Variants in TUT7 observed in about 807,000 individuals in gnomAD.
TUT7 encodes terminal uridylyltransferase 7.
TUT7 carries 33 observed loss-of-function variants against 165.9 expected under a neutral mutation model. That is an observed-to-expected ratio of 0.20 (90% CI 0.15 to 0.27). TUT7 has a LOEUF of 0.27. Among genes scored for constraint, TUT7 ranks in the 10% least tolerant of loss-of-function variants. The pLI is 1.00. For missense variants in TUT7, 1,338 were observed against 1,762.3 expected, an observed-to-expected ratio of 0.76 and a Z score of 4.31; for synonymous variants, 552 against 608.1, an observed-to-expected ratio of 0.91 and a Z score of 1.36.
chr9:86,341,189 A>C (rs1831290087), intron 6 of TUT7, 136 bp from the exon 7 acceptor site: 1 of 730,200 alleles, frequency 1.4e-6, no homozygotes, highest in African/African-American at 1.8e-5. Flanking sequence ...GAAATTACTC[A>C]CTATGTTGTT....
intron 11 of TUT7, chr9:86,326,584 T>C (rs960301897): frequency 6.5e-6 from 1 of 154,510 alleles, no homozygotes; most frequent in Non-Finnish European, 1.5e-5. Context: ...CACGTAGGTA[T>C]AGCCTTTTTA....
rs1825743489 is a variant in TUT7, at chr9:86,289,375, G to A, written c.4421-631C>T. On this transcript the variant is annotated intron_variant, in intron 26 of 26. Transcript: ENST00000375963. ...TATATGTAACAAAGTAATACATAAT[G>A]AAGTTTGCATTTCAAACCAATGGGG... Among the ~76,000 whole-genome samples the A allele has an allele frequency of 2.0e-5, 3 of 152,152 alleles. No individual in the cohort carries two copies. In the South Asian group the frequency reaches 6.2e-4, roughly 31 times the overall value.
chr9:86,352,968 C>A lies in TUT7; in HGVS notation c.232G>T (p.Ala78Ser), dbSNP rs1260651519. The change falls in exon 2 of 27, where the codon GCA (alanine) becomes TCA (serine). Residue 78 changes from alanine to serine, a missense_variant. By Grantham distance (99) the Ala-to-Ser change is moderately conservative. Transcript: ENST00000375963. ...GPCAVSSNPY[A>S]FKNPIYSQPA... ...TGACTGTAGATTGGGTTTTTAAATG[C>A]ATATGGATTGCTGGAAACAGCACAT... 3 of 1,614,192 alleles carry A rather than the reference C, an allele frequency of 1.9e-6. No individual in the cohort carries two copies. The highest frequency in any genetic ancestry group is 2.5e-6 in the Non-Finnish European group (3 of 1,180,032).
intron 24 of TUT7, among the ~76,000 whole-genome samples, chr9:86,303,888 C>T (rs1215172438): frequency 6.6e-6 from 1 of 152,176 alleles, no homozygotes; most frequent in African/African-American, 2.4e-5. Context: ...CAATATCTAC[C>T]ATAAATCAGA....
intron 6 of TUT7, among the ~76,000 whole-genome samples, chr9:86,342,844 T>C (rs1308028101): frequency 6.6e-6 from 1 of 152,056 alleles, no homozygotes; most frequent in African/African-American, 2.4e-5. Context: ...CCCCATCAGG[T>C]GCACATGGTT....
chr9:86,318,669 T>G (rs1305522873), intron 16 of TUT7, among the ~76,000 whole-genome samples: 2 of 152,200 alleles, frequency 1.3e-5, no homozygotes, highest in Non-Finnish European at 2.9e-5. Flanking sequence ...CAAGTCAGCA[T>G]AGTAGCCAAG....
In TUT7 at chr9:86,323,077, G is replaced by C; in HGVS notation, c.2673C>G (p.Ala891=). The change falls in exon 13 of 27, where the codon GCC becomes GCG. Residue 891 remains alanine, a synonymous_variant. Transcript: ENST00000375963. The part of the protein sequence containing the change: ...NTYTGSGDED[A]LSEEDDELGE... ...CTAACTCATCATCCTCTTCAGATAGGGCGTCCTCATCCCCTGACCCAGTGT... is the reference window on the plus strand; with the variant it reads ...CTAACTCATCATCCTCTTCAGATAGCGCGTCCTCATCCCCTGACCCAGTGT... 6.2e-7 allele frequency: 1 copy of C among 1,614,008 alleles called. No individual in the cohort carries two copies. The highest frequency in any genetic ancestry group is 8.5e-7 in the Non-Finnish European group (1 of 1,179,992).
At chr9:86,354,224 C>T (rs981249652) in intron 1 of TUT7, 47 bp downstream of exon 1, 2 of 152,714 alleles carry the variant, frequency 1.3e-5, no homozygotes, top group Non-Finnish European at 2.9e-5. Flanking sequence ...GTTCCTCGGT[C>T]ACCCAAACTG....
chr9:86,335,927 TAG>T (rs1318276583), intron 10 of TUT7, among the ~76,000 whole-genome samples: 1 of 152,170 alleles, frequency 6.6e-6, no homozygotes, highest in African/African-American at 2.4e-5. Flanking sequence ...AGTATCACTT[TAG>T]AGAGTTTCCG....
At chr9:86,289,442 T>A (rs1279855026) in intron 26 of TUT7, among the ~76,000 whole-genome samples, 1 of 152,150 alleles carries the variant, frequency 6.6e-6, no homozygotes, top group African/African-American at 2.4e-5. Flanking sequence ...GTCAAATAAG[T>A]AATTTTGGAG....
chr9:86,294,669 A>G (rs1009307887), intron 26 of TUT7, among the ~76,000 whole-genome samples: 1 of 151,636 alleles, frequency 6.6e-6, no homozygotes, highest in Non-Finnish European at 1.5e-5. Context: ...ATGTATAGGG[A>G]AAAAATCTCA....
In TUT7 at chr9:86,322,903, T is replaced by C; in HGVS notation, c.2847A>G (p.Glu949=). The C allele has an allele frequency of 6.2e-7, 1 of 1,606,500 alleles. No individual in the cohort carries two copies. The highest frequency in any genetic ancestry group is 8.5e-7 in the Non-Finnish European group (1 of 1,177,356). The stretch of plus-strand genomic sequence containing the variant: ...CTTTGGTGAAGATAAGTTTACTGAA[T>C]TCATAAAAAAAATCAGACTGATCCA... ...SPVDQSDFFY[E]FSKLIFTKGK... is the part of the protein sequence containing the mutation. The change falls in exon 13 of 27, where the codon GAA becomes GAG. Residue 949 remains glutamate (E), a synonymous_variant. Transcript: ENST00000375963.
chr9:86,322,740 C>A, intron 13 of TUT7, 133 bp downstream of exon 13: 1 of 1,081,982 alleles, frequency 9.2e-7, no homozygotes, highest in South Asian at 1.7e-5. Context: ...ACCGAGCAGT[C>A]ATATCAGAAT....
intron 4 of TUT7, 131 bp downstream of exon 4, chr9:86,345,538 G>A: frequency 1.4e-6 from 1 of 692,104 alleles, no homozygotes; most frequent in Non-Finnish European, 2.5e-6. Flanking sequence ...ATGTATTTTG[G>A]CTCAAATATA....
Position 86,319,596 on chromosome 9 carries a change from G to T in TUT7, c.3103C>A (p.Gln1035Lys). 6.2e-7 allele frequency: 1 copy of T among 1,602,796 alleles called. No homozygotes were observed. Among genetic ancestry groups the T allele is most frequent in the Non-Finnish European group, 8.5e-7 (1 of 1,175,054 alleles). The change falls in exon 15 of 27, where the codon CAG (glutamine) becomes AAG (lysine). Residue 1035 changes from glutamine to lysine, a missense_variant. Coordinates refer to ENST00000375963, the MANE Select transcript of TUT7 (RefSeq NM_024617.4). ...IRQNLESFIR[Q>K]DFPGTKLSLF... ...ATAAATCATTTACCTGGAAAGTCCT[G>T]TCTTATGAAACTTTCTAGGTTTTGC... is the stretch of plus-strand genomic sequence containing the variant.
intron 19 of TUT7, 80 bp downstream of exon 19, chr9:86,309,848 A>G: frequency 2.9e-6 from 4 of 1,380,938 alleles, no homozygotes; most frequent in Non-Finnish European, 3.0e-6. Context: ...ACAGTTCATT[A>G]AAAAATAGAT....
chr9:86,309,037 T>G (rs568007482), intron 21 of TUT7, among the ~76,000 whole-genome samples, 175 bp downstream of exon 21: 1 of 152,316 alleles, frequency 6.6e-6, no homozygotes, highest in South Asian at 2.1e-4. Context: ...AGAAATTCAC[T>G]TGGCTTAGTA....
chr9:86,332,602 G>C (rs182108583), intron 10 of TUT7, among the ~76,000 whole-genome samples: 1 of 152,142 alleles, frequency 6.6e-6, no homozygotes, highest in African/African-American at 2.4e-5. Context: ...TGGGTACTAC[G>C]CTTAGTACCT....
At position 86,310,785 on chromosome 9, in the gene TUT7, G is replaced by T; in HGVS notation, c.3299C>A (p.Thr1100Lys). Residue 1100 changes from threonine (T) to lysine (K), a missense_variant, in exon 18 of 27, where the codon ACA (threonine) becomes AAA (lysine). This residue lies in a region of TUT7 where 157 missense variants were observed against 357.5 expected (regional missense o/e 0.44). Transcript: ENST00000375963. Reference protein sequence around the residue: ...HSGLRNILPITTAKVPIVKFF... With the variant: ...HSGLRNILPIKTAKVPIVKFF... Reference sequence around the variant, plus strand: ...CTTCACAATTGGCACCTTTGCTGTTGTAATAGGTAAGATGTTTCTCAGACC... The same window carrying T: ...CTTCACAATTGGCACCTTTGCTGTTTTAATAGGTAAGATGTTTCTCAGACC... The T allele has an allele frequency of 6.2e-7, 1 of 1,611,176 alleles. No homozygotes were observed. The highest frequency in any genetic ancestry group is 8.5e-7 in the Non-Finnish European group (1 of 1,177,430).
Sources: allele counts gnomAD v4.1 joint callset (sites outside exome capture counted in the v4.1 genomes callset), GRCh38; gene constraint gnomAD v4.1.1; regional missense constraint gnomAD v4.1.1; transcripts MANE v1.5; gene names NCBI Gene and HGNC (gene_info 2026-07-23, HGNC 2026-07-21).